The following CPEB3 variants were observed in gnomAD, a reference collection of about 807,000 sequenced individuals.
CPEB3 encodes the protein cytoplasmic polyadenylation element-binding protein 3.
A neutral mutation model predicts 67.2 loss-of-function variants in CPEB3; 20 were observed. The observed-to-expected ratio is 0.30, with a 90% CI of 0.21 to 0.43. The LOEUF is 0.43. Among genes scored for constraint, CPEB3 ranks in the 20% least tolerant of loss-of-function variants. The pLI is 1.00. For missense variants in CPEB3, 746 were observed against 968.6 expected, an observed-to-expected ratio of 0.77 and a Z score of 3.05; for synonymous variants, 376 against 393.1, an observed-to-expected ratio of 0.96 and a Z score of 0.51.
At chr10:92,270,650 C>T (rs992808621) in intron 1 of CPEB3, among the ~76,000 whole-genome samples, 1 of 150,682 alleles carries the variant, frequency 6.6e-6, no homozygotes. Context: ...GCAGCCTCAA[C>T]CTCCCGGGCT....
chr10:92,198,326 A>G (rs1392241259), intron 2 of CPEB3, among the ~76,000 whole-genome samples: 1 of 152,166 alleles, frequency 6.6e-6, no homozygotes, highest in Non-Finnish European at 1.5e-5. Flanking sequence ...GTCACAATCC[A>G]GAGACAGGTT....
rs374639337 is a variant in CPEB3 at position 92,137,442 on chromosome 10, T to C, written c.1453+5587A>G. The C allele has an allele frequency of 3.6e-5, 43 of 1,188,306 alleles. No homozygotes were observed. The East Asian group carries it at 5.1e-4, about 14-fold the overall frequency. 73.6% of individuals were successfully genotyped at this position (1,188,306 alleles called of 1,614,324 possible). A position where few individuals can be genotyped will look rare whatever the true frequency, so the allele number is the denominator to read the frequency against. On this transcript the variant is annotated intron_variant, in intron 6 of 9. Transcript: ENST00000265997. ...GCCATGGATTCAAGGACTCAATCTA[T>C]GACATATTCCAAAAGCTCAACAGCA...
rs746406781 is a variant in CPEB3 at position 92,239,634 on chromosome 10, C to A, written c.717G>T (p.Ser239=). The A allele has an allele frequency of 1.5e-5, 23 of 1,558,202 alleles. No individual in the cohort carries two copies. Among genetic ancestry groups the A allele is most frequent in the Non-Finnish European group, 1.9e-5 (22 of 1,151,720 alleles). Residue 239 remains serine, a synonymous_variant, in exon 2 of 10, where the codon TCG becomes TCT. Coordinates refer to ENST00000265997, the MANE Select transcript of CPEB3 (RefSeq NM_014912.5). The surrounding 1 kb of genome is among the most constrained non-coding windows in gnomAD (Gnocchi z 6.0). ...CGCTTTGGTGCGTGTTCCAGCTGGA[C>A]GAGGCCGACGAGGCGGCGGCTGCGG... ...AAAAAAASSA[S]SSWNTHQSVN...
At chr10:92,245,759 G>A (rs1852032157) in intron 1 of CPEB3, among the ~76,000 whole-genome samples, 1 of 151,960 alleles carries the variant, frequency 6.6e-6, no homozygotes. Context: ...TAAAATAGCC[G>A]GGCACGGTGG....
chr10:92,206,142 G>C (rs1225950268), intron 2 of CPEB3, among the ~76,000 whole-genome samples: 1 of 151,272 alleles, frequency 6.6e-6, no homozygotes, highest in Admixed American at 6.6e-5. Flanking sequence ...CGCAATCTCG[G>C]CTCACCATAA....
intron 1 of CPEB3, among the ~76,000 whole-genome samples, chr10:92,255,087 C>T (rs750523219): frequency 1.3e-5 from 2 of 152,048 alleles, no homozygotes; most frequent in Non-Finnish European, 2.9e-5. Flanking sequence ...CACCAACAAG[C>T]CCTCCCTTAC....
intron 8 of CPEB3, among the ~76,000 whole-genome samples, chr10:92,088,642 A>C (rs1352378037): frequency 6.6e-6 from 1 of 152,030 alleles, no homozygotes; most frequent in African/African-American, 2.4e-5. Flanking sequence ...AAAAAAAAAA[A>C]CTCACAAGAT....
At chr10:92,195,170 C>G (rs1189397127) in intron 2 of CPEB3, among the ~76,000 whole-genome samples, 1 of 151,900 alleles carries the variant, frequency 6.6e-6, no homozygotes, top group African/African-American at 2.4e-5. Flanking sequence ...ACTCAACAAC[C>G]AAACCAAGTC....
intron 2 of CPEB3, among the ~76,000 whole-genome samples, chr10:92,194,042 G>A (rs760668928): frequency 9.9e-5 from 15 of 151,588 alleles, no homozygotes; most frequent in East Asian, 4.0e-4. Flanking sequence ...GTGATCCACC[G>A]GCCTCGGCCT....
intron 6 of CPEB3, chr10:92,137,622 G>A: frequency 1.5e-6 from 1 of 647,660 alleles, no homozygotes; most frequent in East Asian, 2.7e-5. Context: ...AACATGAGGA[G>A]TGGAAACTGA....
rs1382849298 is a variant in CPEB3 at position 92,192,579 on chromosome 10, C to T, written c.1063G>A (p.Asp355Asn). 1.2e-6 allele frequency: 2 copies of T among 1,613,028 alleles called. No homozygotes were observed. Among genetic ancestry groups the T allele is most frequent in the Non-Finnish European group, 1.7e-6 (2 of 1,179,156 alleles). Residue 355 changes from aspartate (D) to asparagine (N), a missense_variant, in exon 3 of 10, where the codon GAT becomes AAT. Asp to Asn is a conservative substitution (Grantham distance 23). Transcript: ENST00000265997. The part of the protein sequence containing the change: ...NLHSLENSLM[D>N]MIRTDHEPLK... ...GGTTCATGATCAGTCCTTATCATAT[C>T]CATTAAGGAGTTCTCCAACGAGTGC...
chr10:92,281,666 A>T (rs1156511845), intron 1 of CPEB3, among the ~76,000 whole-genome samples: 4 of 152,220 alleles, frequency 2.6e-5, no homozygotes, highest in South Asian at 2.1e-4. Flanking sequence ...CCACTTTATC[A>T]TATAGATTGT....
rs1491405800 is a variant in CPEB3 at position 92,095,601 on chromosome 10, T to TATATATATA, written c.1573-3658_1573-3657insTATATATAT. Among the ~76,000 whole-genome samples the TATATATATA allele has an allele frequency of 3.1e-3, 270 of 87,660 alleles. 6 individuals carry two copies. Among genetic ancestry groups the TATATATATA allele is most frequent in the African/African-American group, 8.4e-3 (258 of 30,718 alleles). The allele number at this position is 87,660 out of a possible 152,430, so 57.5% of individuals were successfully genotyped here. ...CCTGATTTATATATATATATATATA[T>TATATATATA]TTTTTTTTTTTCATTGTGTATATAT... On this transcript the variant is annotated intron_variant, in intron 7 of 9. Transcript: ENST00000265997.
At chr10:92,205,836 G>A (rs1010164480) in intron 2 of CPEB3, among the ~76,000 whole-genome samples, 3 of 152,026 alleles carry the variant, frequency 2.0e-5, no homozygotes, top group Non-Finnish European at 4.4e-5. Flanking sequence ...CAAATTATGT[G>A]TTATGTAAGC....
chr10:92,099,501 T>C (rs957810626), intron 7 of CPEB3, among the ~76,000 whole-genome samples: 10 of 152,078 alleles, frequency 6.6e-5, no homozygotes, highest in East Asian at 1.9e-4. Flanking sequence ...TAACATCATT[T>C]CCTAAAATGA....
At chr10:92,275,106 C>A (rs1233202636) in intron 1 of CPEB3, among the ~76,000 whole-genome samples, 1 of 152,180 alleles carries the variant, frequency 6.6e-6, no homozygotes, top group Non-Finnish European at 1.5e-5. Context: ...TGAGCTCACC[C>A]ATGTCCTTCC....
At chr10:92,139,290 A>T (rs79145815) in intron 6 of CPEB3, among the ~76,000 whole-genome samples, 1,846 of 108,410 alleles carry the variant, frequency 0.017, 18 homozygotes, top group Non-Finnish European at 0.022. Flanking sequence ...ACACACACAT[A>T]AAAAAAAAAA....
At chr10:92,158,672 TG>T (rs1390204657) in intron 4 of CPEB3, among the ~76,000 whole-genome samples, 7 of 152,182 alleles carry the variant, frequency 4.6e-5, no homozygotes, top group East Asian at 1.9e-4. Flanking sequence ...GTATTACAGA[TG>T]GGGGAATGTA....
intron 2 of CPEB3, among the ~76,000 whole-genome samples, chr10:92,219,733 G>A (rs1850603456): frequency 2.0e-5 from 3 of 152,070 alleles, no homozygotes; most frequent in Non-Finnish European, 2.9e-5. Flanking sequence ...TAGGTAAAAT[G>A]AATCATCTAC....
Sources: gnomAD v4.1 joint callset for allele counts (sites outside exome capture counted in the v4.1 genomes callset) on GRCh38, gnomAD v4.1.1 for gene constraint, Gnocchi (gnomAD v3.1) non-coding constraint, MANE v1.5 for transcripts, NCBI Gene and HGNC (gene_info 2026-07-23, HGNC 2026-07-21) for gene names.